TULP3: variants seen among roughly 807,000 people sequenced by gnomAD.
TULP3 encodes TUB like protein 3.
In TULP3, 38 loss-of-function variants were observed where a neutral mutation model predicts 50.7. The ratio of observed to expected loss-of-function variants is 0.75; its 90% CI spans 0.58 to 0.98. The LOEUF is 0.98. Ranked by LOEUF, TULP3 falls within the 50% of genes least tolerant of loss-of-function variation. The pLI, the probability that TULP3 is intolerant of heterozygous loss-of-function variation, is 0.00. For missense variants in TULP3, 550 were observed against 568.0 expected, an observed-to-expected ratio of 0.97 and a Z score of 0.32; for synonymous variants, 183 against 196.6, an observed-to-expected ratio of 0.93 and a Z score of 0.58.
intron 2 of TULP3, among the ~76,000 whole-genome samples, chr12:2,918,026 T>C (rs972688943): frequency 5.3e-5 from 8 of 151,694 alleles, no homozygotes; most frequent in African/African-American, 1.9e-4. Context: ...GAGGCAGAGA[T>C]TGCAAGTGAG....
intron 1 of TULP3, among the ~76,000 whole-genome samples, chr12:2,894,268 C>A (rs2098174035): frequency 8.9e-6 from 1 of 112,752 alleles, no homozygotes; most frequent in African/African-American, 3.6e-5. Context: ...AATCCCAGCA[C>A]CATGGGAGGC....
chr12:2,937,145 T>A (rs993092327), intron 8 of TULP3, among the ~76,000 whole-genome samples: 1 of 143,440 alleles, frequency 7.0e-6, no homozygotes, highest in African/African-American at 2.6e-5. Context: ...AATATTACTT[T>A]CCTGTTTTTG....
At chr12:2,932,121 G>C (rs1242722139) in intron 6 of TULP3, among the ~76,000 whole-genome samples, 1 of 152,152 alleles carries the variant, frequency 6.6e-6, no homozygotes, top group Non-Finnish European at 1.5e-5. Flanking sequence ...ATGCCATTGA[G>C]GTCACAGTGG....
intron 4 of TULP3, among the ~76,000 whole-genome samples, chr12:2,923,946 A>G (rs2098193280): frequency 6.6e-6 from 1 of 152,086 alleles, no homozygotes; most frequent in South Asian, 2.1e-4. Context: ...GCACCACTGC[A>G]CTCCAGCCTG....
intron 2 of TULP3, among the ~76,000 whole-genome samples, chr12:2,911,540 A>T (rs10848738): frequency 0.48 from 71,490 of 149,618 alleles, 17,472 homozygotes; most frequent in African/African-American, 0.6. Context: ...ATTTTTTTTT[A>T]ATTTTTACTA....
At chr12:2,897,810 G>T (rs1195855925) in intron 1 of TULP3, among the ~76,000 whole-genome samples, 3 of 151,006 alleles carry the variant, frequency 2.0e-5, no homozygotes, top group Non-Finnish European at 1.5e-5. Flanking sequence ...CCAGTGCGGT[G>T]GCTCATGCCT....
At chr12:2,891,121 T>TTTTAA in intron 1 of TULP3, 133 bp downstream of exon 1, 3 of 1,152,098 alleles carry the variant, frequency 2.6e-6, no homozygotes, top group South Asian at 1.7e-5. Context: ...GGGACTGGTT[T>TTTTAA]CGGCGGCGGG....
intron 1 of TULP3, among the ~76,000 whole-genome samples, chr12:2,905,247 G>A (rs189491867): frequency 1.3e-3 from 187 of 148,986 alleles, no homozygotes; most frequent in Middle Eastern, 3.5e-3. Flanking sequence ...GTGCAGTGGC[G>A]TGATCTTGGC....
intron 2 of TULP3, among the ~76,000 whole-genome samples, chr12:2,911,510 G>A (rs1002028262): frequency 2.8e-5 from 4 of 141,492 alleles, no homozygotes; most frequent in African/African-American, 8.2e-5. Context: ...CTGCCACCAC[G>A]CCAGGCTAAT....
chr12:2,931,427 A>G (rs1044668078), intron 6 of TULP3, among the ~76,000 whole-genome samples, 187 bp downstream of exon 6: 7 of 152,240 alleles, frequency 4.6e-5, no homozygotes, highest in African/African-American at 1.7e-4. Flanking sequence ...ATAGGCAGCA[A>G]GCTCTACCCT....
At chr12:2,913,331 T>C (rs1055892239) in intron 2 of TULP3, among the ~76,000 whole-genome samples, 17 of 151,972 alleles carry the variant, frequency 1.1e-4, no homozygotes, top group African/African-American at 4.1e-4. Flanking sequence ...CACTGAAGTC[T>C]TGACCTCCTG....
chr12:2,938,423 T>G (rs2098202807), intron 10 of TULP3, 138 bp downstream of exon 10: 1 of 1,048,398 alleles, frequency 9.5e-7, no homozygotes. Context: ...TTTGGAAAGA[T>G]GAAACTACAG....
intron 1 of TULP3, among the ~76,000 whole-genome samples, chr12:2,897,658 G>T (rs1165854162): frequency 6.7e-6 from 1 of 150,130 alleles, no homozygotes; most frequent in Non-Finnish European, 1.5e-5. Flanking sequence ...ATAGGGTCTT[G>T]CTGTATTGCC....
Position 2,939,481 on chromosome 12 carries a change from G to A in TULP3, c.*37G>A. 2 of 1,610,766 alleles carry A rather than the reference G, an allele frequency of 1.2e-6. No homozygotes were observed. The highest frequency in any genetic ancestry group is 1.7e-6 in the Non-Finnish European group (2 of 1,178,558). ...GGCAGGGAGCCCTTCTCCCCACAGA[G>A]CTTTCAGGAGCAGACAGTGGCCTCC... On this transcript the variant is annotated 3_prime_UTR_variant, in exon 11 of 11. Transcript: ENST00000448120. This position sits in a 1 kb window ranked among gnomAD's most constrained non-coding sequence, Gnocchi z 4.0.
At chr12:2,931,334 T>C in intron 6 of TULP3, 94 bp downstream of exon 6, 1 of 1,193,432 alleles carries the variant, frequency 8.4e-7, no homozygotes, top group Non-Finnish European at 1.2e-6. Flanking sequence ...ACTCTGGTAT[T>C]AGACCAAGCC....
In TULP3 at chr12:2,920,872, A is replaced by G; in HGVS notation, c.203A>G (p.Gln68Arg). 1 of 1,614,190 alleles carries G rather than the reference A, an allele frequency of 6.2e-7. No individual in the cohort carries two copies. Among genetic ancestry groups the G allele is most frequent in the Admixed American group, 1.7e-5 (1 of 60,008 alleles). ...RRAKPRASDE[Q>R]TPLVNCHTPH... ...GCAAAGCCAAGGGCCAGTGATGAGCAGACTCCCTTGGTGAACTGTCATACT... is the reference window on the plus strand; with the variant it reads ...GCAAAGCCAAGGGCCAGTGATGAGCGGACTCCCTTGGTGAACTGTCATACT... The change falls in exon 3 of 11, where the codon CAG (glutamine) becomes CGG (arginine). Residue 68 changes from glutamine (Q) to arginine (R), a missense_variant. Coordinates refer to ENST00000448120, the MANE Select transcript of TULP3 (RefSeq NM_003324.5).
At chr12:2,915,146 G>C (rs1032011955) in intron 2 of TULP3, among the ~76,000 whole-genome samples, 5 of 151,876 alleles carry the variant, frequency 3.3e-5, no homozygotes, top group Admixed American at 1.3e-4. Flanking sequence ...ACGCCACCAT[G>C]CCTGGCTAAT....
rs1666642261 is a variant in TULP3 at position 2,930,165 on chromosome 12, G to A, written c.395-83G>A. On this transcript the variant is annotated intron_variant, in intron 4 of 10. Coordinates refer to ENST00000448120, the MANE Select transcript of TULP3 (RefSeq NM_003324.5). ...GTCAGAATAGTTAAGAATGTTTTAA[G>A]CAAGAAAATTAAAACTATCTTTGTT... 3.1e-5 allele frequency: 30 copies of A among 977,900 alleles called. No homozygotes were observed. In the South Asian group the frequency reaches 4.4e-4, roughly 14 times the overall value. 60.6% of individuals were successfully genotyped at this position (977,900 alleles called of 1,614,324 possible).
At chr12:2,892,671 C>G (rs2098172861) in intron 1 of TULP3, among the ~76,000 whole-genome samples, 1 of 151,878 alleles carries the variant, frequency 6.6e-6, no homozygotes, top group Non-Finnish European at 1.5e-5. Context: ...GCCACCACGC[C>G]CAGCTAATTT....
Sources: gnomAD v4.1 joint callset for allele counts (sites outside exome capture counted in the v4.1 genomes callset) on GRCh38, gnomAD v4.1.1 for gene constraint, Gnocchi (gnomAD v3.1) non-coding constraint, MANE v1.5 for transcripts, NCBI Gene and HGNC (gene_info 2026-07-23, HGNC 2026-07-21) for gene names.